CDC14B: variants seen among roughly 807,000 people sequenced by gnomAD.
CDC14B encodes the protein dual specificity protein phosphatase CDC14B.
CDC14B carries 22 observed loss-of-function variants against 64.2 expected under a neutral mutation model. That is an observed-to-expected ratio of 0.34 (90% CI 0.24 to 0.49). CDC14B has a LOEUF of 0.49. Among genes scored for constraint, CDC14B ranks in the 20% least tolerant of loss-of-function variants. The probability of loss-of-function intolerance (pLI) is 0.99; values close to 1 mark genes in which losing one functional copy is unlikely to be tolerated. For missense variants in CDC14B, 498 were observed against 629.9 expected, an observed-to-expected ratio of 0.79 and a Z score of 2.24; for synonymous variants, 191 against 215.8, an observed-to-expected ratio of 0.89 and a Z score of 1.01.
chr9:96,550,043 T>C (rs1234628273), intron 5 of CDC14B, among the ~76,000 whole-genome samples: 2 of 151,894 alleles, frequency 1.3e-5, no homozygotes, highest in African/African-American at 2.4e-5. Context: ...ATTACCATTA[T>C]AAAGAAGAGT....
downstream of CDC14B, among the ~76,000 whole-genome samples, chr9:96,498,502 C>T (rs1016872748): frequency 2.0e-5 from 3 of 152,172 alleles, no homozygotes; most frequent in East Asian, 3.9e-4. Context: ...CAACCACTCT[C>T]GAGACTTAGC....
chr9:96,508,835 T>C (rs1381398470), intron 13 of CDC14B, among the ~76,000 whole-genome samples: 1 of 152,186 alleles, frequency 6.6e-6, no homozygotes, highest in Non-Finnish European at 1.5e-5. Context: ...GCCTCGGATA[T>C]ACATGGCAGG....
At chr9:96,555,043 G>C (rs1181131258) in intron 4 of CDC14B, among the ~76,000 whole-genome samples, 2 of 152,150 alleles carry the variant, frequency 1.3e-5, no homozygotes, top group African/African-American at 2.4e-5. Context: ...CACAGTGCTA[G>C]TTAAGAACAG....
chr9:96,519,085 G>C lies in CDC14B; in HGVS notation c.1343+3421C>G, dbSNP rs368557223. The stretch of plus-strand genomic sequence containing the variant: ...CAGGAGGCGGAGCTTGCAGTGAGCC[G>C]AGATCGCACCACTTTACTCCAGCCT... On this transcript the variant is annotated intron_variant, in intron 12 of 13. Transcript: ENST00000375241. Among the ~76,000 whole-genome samples the C allele has an allele frequency of 2.1e-3, 322 of 152,062 alleles. 4 individuals are homozygous for C. The highest frequency in any genetic ancestry group is 7.3e-3 in the African/African-American group (301 of 41,460).
chr9:96,608,892 GAC>G (rs59953256), intron 1 of CDC14B, among the ~76,000 whole-genome samples: 105,926 of 144,530 alleles, frequency 0.73, 40,320 homozygotes, highest in East Asian at 0.92. Context: ...TTAAAACACA[GAC>G]ACACACACAC....
intron 1 of CDC14B, among the ~76,000 whole-genome samples, chr9:96,575,689 A>C (rs1374215285): frequency 6.6e-6 from 1 of 152,244 alleles, no homozygotes; most frequent in Non-Finnish European, 1.5e-5. Flanking sequence ...CAAGATTTTC[A>C]AAATGAGTTT....
chr9:96,551,972 A>AG, intron 4 of CDC14B, 100 bp from the exon 5 acceptor site: 1 of 1,429,894 alleles, frequency 7.0e-7, no homozygotes. Context: ...CCAACTGAGC[A>AG]GGGTTCTCCA....
At chr9:96,505,472 G>C (rs1480094945) in intron 13 of CDC14B, among the ~76,000 whole-genome samples, 1 of 152,240 alleles carries the variant, frequency 6.6e-6, no homozygotes, top group Non-Finnish European at 1.5e-5. Context: ...GCTGCGTGAA[G>C]ACATGAGTGA....
At position 96,615,863 on chromosome 9, in the gene CDC14B, C is replaced by T. The variant is rs749136299; in HGVS notation, c.160+3356G>A. Among the ~76,000 whole-genome samples, 7 of 152,250 alleles carry T rather than the reference C, an allele frequency of 4.6e-5. No homozygotes were observed. The South Asian group carries it at 1.2e-3, about 27-fold the overall frequency. ...AAAGTCCATATGTACTCTGGCCTGG[C>T]GTTTTCACCTCTAGAAATACACTCT... On this transcript the variant is annotated intron_variant, in intron 1 of 13. Coordinates refer to ENST00000375241, the MANE Select transcript of CDC14B (RefSeq NM_033331.4).
chr9:96,496,591 C>T (rs1185395402), downstream of CDC14B, among the ~76,000 whole-genome samples: 1 of 152,242 alleles, frequency 6.6e-6, no homozygotes, highest in Non-Finnish European at 1.5e-5. Context: ...ACACGCCAAC[C>T]GCGGTCCTGC....
chr9:96,564,046 C>T (rs1843593015), intron 3 of CDC14B, among the ~76,000 whole-genome samples: 2 of 152,022 alleles, frequency 1.3e-5, no homozygotes, highest in Admixed American at 1.3e-4. Flanking sequence ...AATTTTATTT[C>T]CTCTCTGTAT....
chr9:96,546,020 T>C (rs1840769592), intron 5 of CDC14B, among the ~76,000 whole-genome samples: 1 of 152,096 alleles, frequency 6.6e-6, no homozygotes, highest in South Asian at 2.1e-4. Context: ...ATTTAACAAA[T>C]TTGGAAAACA....
chr9:96,529,890 A>G (rs1838170532), intron 9 of CDC14B, among the ~76,000 whole-genome samples: 1 of 152,124 alleles, frequency 6.6e-6, no homozygotes, highest in South Asian at 2.1e-4. Flanking sequence ...TTCCAAATGA[A>G]TTTCAGAATC....
chr9:96,554,041 G>A (rs1842173024), intron 4 of CDC14B, among the ~76,000 whole-genome samples: 1 of 152,028 alleles, frequency 6.6e-6, no homozygotes, highest in African/African-American at 2.4e-5. Context: ...GCAGGCTCCT[G>A]TAACCCCAGC....
At chr9:96,540,491 A>C (rs779159842) in intron 6 of CDC14B, among the ~76,000 whole-genome samples, 2 of 152,104 alleles carry the variant, frequency 1.3e-5, no homozygotes, top group Non-Finnish European at 2.9e-5. Flanking sequence ...AAATTAGCTG[A>C]GCATAGCAGA....
intron 12 of CDC14B, among the ~76,000 whole-genome samples, chr9:96,521,659 C>T (rs758370282): frequency 2.0e-5 from 3 of 152,112 alleles, no homozygotes; most frequent in Admixed American, 6.5e-5. Context: ...TGTTCTCTGC[C>T]AATATAAATG....
chr9:96,527,858 G>A (rs139410363), intron 9 of CDC14B, among the ~76,000 whole-genome samples: 7,963 of 151,926 alleles, frequency 0.052, 700 homozygotes, highest in African/African-American at 0.18. Flanking sequence ...CTCGTGATCC[G>A]CCCACCTCAG....
At chr9:96,560,582 C>CTTTTTTTTTTTTTTTTTT (rs373160930) in intron 4 of CDC14B, among the ~76,000 whole-genome samples, 3 of 127,690 alleles carry the variant, frequency 2.3e-5, no homozygotes, top group African/African-American at 9.5e-5. Context: ...TTTTCTCTTT[C>CTTTTTTTTTTTTTTTTTT]TCTTTTTTTT....
chr9:96,583,380 T>G (rs1845277483), intron 1 of CDC14B, among the ~76,000 whole-genome samples: 1 of 140,828 alleles, frequency 7.1e-6, no homozygotes, highest in South Asian at 2.2e-4. Flanking sequence ...TTTATTATTA[T>G]TATTATTATT....
Sources: allele counts gnomAD v4.1 joint callset (sites outside exome capture counted in the v4.1 genomes callset), GRCh38; gene constraint gnomAD v4.1.1; transcripts MANE v1.5; gene names NCBI Gene and HGNC (gene_info 2026-07-23, HGNC 2026-07-21).